Variants in ADGRL3 observed in about 807,000 individuals in gnomAD.
ADGRL3 encodes the protein calcium-independent alpha-latrotoxin receptor 3.
A neutral mutation model predicts 153.5 loss-of-function variants in ADGRL3; 62 were observed. The ratio of observed to expected loss-of-function variants is 0.40; its 90% CI spans 0.33 to 0.50. ADGRL3 has a LOEUF of 0.50. Among genes scored for constraint, ADGRL3 ranks in the 20% least tolerant of loss-of-function variants. ADGRL3 has a pLI of 0.47. For missense variants in ADGRL3, 1,641 were observed against 1,859.4 expected (o/e 0.88, Z 2.16); for synonymous variants, 710 against 672.5 (o/e 1.06, Z -0.86).
intron 11 of ADGRL3, among the ~76,000 whole-genome samples, chr4:61,908,547 G>T (rs1407090553): frequency 6.7e-6 from 1 of 150,200 alleles, no homozygotes; most frequent in East Asian, 2.0e-4. Flanking sequence ...GGCAGAGGTT[G>T]CAGTGAGCCG....
chr4:61,864,624 C>T (rs993955556), intron 9 of ADGRL3, among the ~76,000 whole-genome samples: 1 of 152,160 alleles, frequency 6.6e-6, no homozygotes, highest in African/African-American at 2.4e-5. Context: ...GAATTTTTGT[C>T]TATGATTCCT....
chr4:61,323,683 C>T (rs1560473623), intron 1 of ADGRL3, among the ~76,000 whole-genome samples: 1 of 152,160 alleles, frequency 6.6e-6, no homozygotes, highest in Non-Finnish European at 1.5e-5. Context: ...TCAGCCTGGA[C>T]CTTATTGCTT....
intron 6 of ADGRL3, among the ~76,000 whole-genome samples, chr4:61,725,386 G>A (rs979525641): frequency 9.9e-5 from 15 of 151,808 alleles, no homozygotes; most frequent in African/African-American, 3.6e-4. Context: ...GCTGAGACGG[G>A]CAAATCACAT....
At position 61,526,918 on chromosome 4, in the gene ADGRL3, A is replaced by G. The variant is rs537057625; in HGVS notation, c.259+9400A>G. Among the ~76,000 whole-genome samples, 49 of 152,300 alleles carry G rather than the reference A, an allele frequency of 3.2e-4. 1 individual carries two copies. Among genetic ancestry groups the G allele is most frequent in the Non-Finnish European group, 6.3e-4 (43 of 68,008 alleles). On this transcript the variant is annotated intron_variant, in intron 4 of 26. Coordinates refer to ENST00000683033, the MANE Select transcript of ADGRL3 (RefSeq NM_001387552.1). ...TTTTCAAATAGTCTATAGCAAAAAC[A>G]AAGTGAAGACTTTAAAAAAGTCATT...
intron 1 of ADGRL3, among the ~76,000 whole-genome samples, chr4:61,296,503 G>T (rs920916562): frequency 6.6e-6 from 1 of 152,140 alleles, no homozygotes; most frequent in East Asian, 1.9e-4. Context: ...ATCAGCAGTT[G>T]CCTTGCCTTA....
intron 5 of ADGRL3, among the ~76,000 whole-genome samples, chr4:61,661,620 C>A (rs1028800097): frequency 1.3e-5 from 2 of 152,088 alleles, no homozygotes; most frequent in South Asian, 2.1e-4. Flanking sequence ...AAGGAAAGAA[C>A]AGTGTTATGA....
intron 3 of ADGRL3, among the ~76,000 whole-genome samples, chr4:61,511,411 T>C (rs2098463150): frequency 6.6e-6 from 1 of 152,152 alleles, no homozygotes; most frequent in Non-Finnish European, 1.5e-5. Flanking sequence ...TGTATGCTGA[T>C]TGTATACCCT....
chr4:61,967,302 AACATAT>A, intron 17 of ADGRL3, among the ~76,000 whole-genome samples: 1 of 152,132 alleles, frequency 6.6e-6, no homozygotes, highest in East Asian at 1.9e-4. Context: ...GTAGTAATTA[AACATAT>A]ATTACCTTTA....
intron 6 of ADGRL3, among the ~76,000 whole-genome samples, chr4:61,696,634 T>C (rs1040210232): frequency 6.6e-6 from 1 of 151,522 alleles, no homozygotes; most frequent in Non-Finnish European, 1.5e-5. Flanking sequence ...ATATGTATGA[T>C]AGGTGATACA....
intron 2 of ADGRL3, among the ~76,000 whole-genome samples, chr4:61,485,438 T>C (rs1371376881): frequency 6.6e-6 from 1 of 152,176 alleles, no homozygotes; most frequent in Non-Finnish European, 1.5e-5. Context: ...CTTTTCTCAT[T>C]ACTGTTTAAG....
intron 5 of ADGRL3, among the ~76,000 whole-genome samples, chr4:61,654,897 A>G (rs2094398227): frequency 6.6e-6 from 1 of 152,182 alleles, no homozygotes; most frequent in Admixed American, 6.5e-5. Context: ...ACTCCATCTC[A>G]AAAAGAAAAA....
rs1056620294 is a variant in ADGRL3, at chr4:62,074,713, A to G, written c.*3805A>G. 18 of 152,166 alleles carry G rather than the reference A, an allele frequency of 1.2e-4. No individual in the cohort carries two copies. Among genetic ancestry groups the G allele is most frequent in the Admixed American group, 1.2e-3 (18 of 15,266 alleles). 9.4% of individuals were successfully genotyped at this position (152,166 alleles called of 1,614,324 possible). A position where few individuals can be genotyped will look rare whatever the true frequency, so the allele number is the denominator to read the frequency against. ...CCTTAACTTCCTGTAAAAAAAATTC[A>G]CATTGACTCTAAATTAAGATGTAGT... On this transcript the variant is annotated 3_prime_UTR_variant, in exon 27 of 27. Transcript: ENST00000683033.
chr4:61,880,035 A>G (rs546168921), intron 9 of ADGRL3, among the ~76,000 whole-genome samples: 2 of 152,256 alleles, frequency 1.3e-5, no homozygotes, highest in Admixed American at 1.3e-4. Context: ...TACTCTATTA[A>G]TTTAAAAGGC....
At chr4:61,809,660 A>G (rs2097586555) in intron 8 of ADGRL3, among the ~76,000 whole-genome samples, 1 of 152,062 alleles carries the variant, frequency 6.6e-6, no homozygotes, top group South Asian at 2.1e-4. Flanking sequence ...CACATATGAT[A>G]TAATTCATGT....
At chr4:61,560,732 C>T (rs944599850) in intron 4 of ADGRL3, among the ~76,000 whole-genome samples, 1 of 151,962 alleles carries the variant, frequency 6.6e-6, no homozygotes, top group African/African-American at 2.4e-5. Context: ...CTATTATCTC[C>T]ATGCAACTGA....
intron 14 of ADGRL3, among the ~76,000 whole-genome samples, chr4:61,935,225 A>G (rs2098833234): frequency 6.6e-6 from 1 of 152,184 alleles, no homozygotes; most frequent in African/African-American, 2.4e-5. Flanking sequence ...TTCTTAGGAC[A>G]TTTCAATATT....
chr4:61,713,988 TAGAC>T (rs768145766), intron 6 of ADGRL3, among the ~76,000 whole-genome samples: 1 of 152,048 alleles, frequency 6.6e-6, no homozygotes, highest in Non-Finnish European at 1.5e-5. Context: ...GACAAGAAAA[TAGAC>T]AGAATTAGCC....
At position 61,912,735 on chromosome 4, in the gene ADGRL3, G is replaced by A. The variant is rs921791162; in HGVS notation, c.2090G>A (p.Arg697His). The stretch of plus-strand genomic sequence containing the variant: ...TGGATTCAGCTTCAGAAAAGAGAGC[G>A]CTCTTGCAGAGCCTATGTCCAGGTA... ...RSLNKLQKRE[R>H]SCRAYVQAMV... is the part of the protein sequence containing the mutation. The change falls in exon 13 of 27, where the codon CGC becomes CAC. Residue 697 changes from arginine to histidine, a missense_variant. Transcript: ENST00000683033. 8 of 1,613,234 alleles carry A rather than the reference G, an allele frequency of 5.0e-6. No homozygotes were observed. Among genetic ancestry groups the A allele is most frequent in the East Asian group, 2.2e-5 (1 of 44,852 alleles).
chr4:61,658,338 G>A (rs1193110929), intron 5 of ADGRL3, among the ~76,000 whole-genome samples: 1 of 152,124 alleles, frequency 6.6e-6, no homozygotes, highest in East Asian at 1.9e-4. Flanking sequence ...CAGTGAGACT[G>A]TATTGTTCCT....
Sources: gnomAD v4.1 joint callset for allele counts (sites outside exome capture counted in the v4.1 genomes callset) on GRCh38, gnomAD v4.1.1 for gene constraint, MANE v1.5 for transcripts, NCBI Gene and HGNC (gene_info 2026-07-23, HGNC 2026-07-21) for gene names.